Variants in SFI1 observed in about 807,000 individuals in gnomAD.
SFI1 encodes the protein SFI1 centrin binding protein, also known as protein SFI1 homolog.
SFI1 carries 195 observed loss-of-function variants against 207.5 expected under a neutral mutation model. That is an observed-to-expected ratio of 0.94 (90% confidence interval 0.84 to 1.06). The LOEUF is 1.06. SFI1 is among the 50% of genes least tolerant of loss of function. SFI1 has a pLI of 0.00. For missense variants in SFI1, 1,634 were observed against 1,588.0 expected (o/e 1.03, Z -0.49); for synonymous variants, 630 against 598.9 (o/e 1.05, Z -0.76).
At chr22:31,557,704 A>T (rs1189163213) in intron 7 of SFI1, among the ~76,000 whole-genome samples, 4 of 152,204 alleles carry the variant, frequency 2.6e-5, no homozygotes, top group Admixed American at 6.5e-5. Context: ...CCATTATTGT[A>T]CAGATTAAGA....
intron 17 of SFI1, 49 bp from the exon 18 acceptor site, chr22:31,603,695 C>A: frequency 2.1e-6 from 3 of 1,446,536 alleles, no homozygotes; most frequent in Admixed American, 2.9e-5. Context: ...ATAGAGGGTG[C>A]CCTCACTGGG....
At chr22:31,596,383 C>T (rs1232689574) in intron 15 of SFI1, among the ~76,000 whole-genome samples, 1 of 152,128 alleles carries the variant, frequency 6.6e-6, no homozygotes, top group Non-Finnish European at 1.5e-5. Context: ...TAGGTGGTGG[C>T]CACGGGAAAT....
intron 2 of SFI1, among the ~76,000 whole-genome samples, chr22:31,510,660 G>A (rs1286381368): frequency 6.6e-6 from 1 of 151,792 alleles, no homozygotes; most frequent in Non-Finnish European, 1.5e-5. Context: ...TCTTGAACTC[G>A]TGACCTCAAA....
rs2072140027 is a variant in SFI1, at chr22:31,618,187, C to G, written c.3585C>G (p.Asp1195Glu). The G allele has an allele frequency of 6.3e-7, 1 of 1,596,444 alleles. No homozygotes were observed. Among genetic ancestry groups the G allele is most frequent in the African/African-American group, 1.3e-5 (1 of 74,810 alleles). Residue 1195 changes from aspartate to glutamate, a missense_variant, in exon 32 of 33, where the codon GAC (aspartate) becomes GAG (glutamate). Coordinates refer to ENST00000400288, the MANE Select transcript of SFI1 (RefSeq NM_001007467.3). Reference sequence around the variant, plus strand: ...ACAGAGAGGAGCCGGGGCCTGAGGACCAGGAAGTAGAGCAGCAGGTGCAGA... The same window carrying G: ...ACAGAGAGGAGCCGGGGCCTGAGGAGCAGGAAGTAGAGCAGCAGGTGCAGA... ...ELNREEPGPE[D>E]QEVEQQVQKE...
intron 31 of SFI1, among the ~76,000 whole-genome samples, chr22:31,617,698 G>C (rs1280749224): frequency 6.6e-6 from 1 of 150,502 alleles, no homozygotes; most frequent in East Asian, 2.0e-4. Flanking sequence ...TCCAGCCTGG[G>C]CAACACAGCA....
intron 8 of SFI1, among the ~76,000 whole-genome samples, chr22:31,567,888 G>T (rs945513004): frequency 5.3e-5 from 8 of 152,090 alleles, no homozygotes; most frequent in African/African-American, 1.9e-4. Context: ...TATTTTGACT[G>T]TTCACCCTGG....
chr22:31,616,580 A>C, intron 29 of SFI1, 165 bp from the exon 30 acceptor site: 1 of 681,068 alleles, frequency 1.5e-6, no homozygotes, highest in Non-Finnish European at 2.4e-6. Flanking sequence ...GGGGCAGGCT[A>C]GACACTGAGC....
rs1404094416 is a variant in SFI1, at chr22:31,618,563, T to C, written c.*145T>C. On this transcript the variant is annotated 3_prime_UTR_variant, in exon 33 of 33. Transcript: ENST00000400288. Reference sequence around the variant, plus strand: ...ATTACTGTTCAGAAGTCTCCCACTTTTCATACAAAAATACTGTGCTACTGA... The same window carrying C: ...ATTACTGTTCAGAAGTCTCCCACTTCTCATACAAAAATACTGTGCTACTGA... 1 of 826,206 alleles carries C rather than the reference T, an allele frequency of 1.2e-6. No homozygotes were observed. The highest frequency in any genetic ancestry group is 1.7e-6 in the Non-Finnish European group (1 of 577,894). 51.2% of individuals were successfully genotyped at this position (826,206 alleles called of 1,614,324 possible). A position where few individuals can be genotyped will look rare whatever the true frequency, so the allele number is the denominator to read the frequency against.
chr22:31,573,199 AAG>A lies in SFI1; in HGVS notation c.911_912del (p.Arg304ThrfsTer4). On this transcript the variant is annotated frameshift_variant, in exon 9 of 33. Coordinates refer to ENST00000400288, the MANE Select transcript of SFI1 (RefSeq NM_001007467.3). LOFTEE classifies it high-confidence loss of function. ...WLEYLQVRRV[K>X]RQQNEMAERF... ...TGAATACCTGCAAGTCCGCAGAGTGAAGAGACAGCAGAATGGTGAGTAGGAAG... is the reference window on the plus strand; with the variant it reads ...TGAATACCTGCAAGTCCGCAGAGTGAAGACAGCAGAATGGTGAGTAGGAAG... The A allele has an allele frequency of 6.2e-7, 1 of 1,614,006 alleles. No individual in the cohort carries two copies. The highest frequency in any genetic ancestry group is 8.5e-7 in the Non-Finnish European group (1 of 1,179,986).
intron 22 of SFI1, among the ~76,000 whole-genome samples, 178 bp downstream of exon 22, chr22:31,608,211 C>T (rs1224133657): frequency 6.6e-6 from 1 of 152,192 alleles, no homozygotes; most frequent in Non-Finnish European, 1.5e-5. Context: ...CCTCTCAGTT[C>T]TGGAGGCTGG....
intron 2 of SFI1, among the ~76,000 whole-genome samples, chr22:31,526,150 A>C (rs1201826744): frequency 6.6e-6 from 1 of 152,202 alleles, no homozygotes; most frequent in Non-Finnish European, 1.5e-5. Flanking sequence ...TTATAGAAGC[A>C]AAGCACTGAA....
chr22:31,505,847 G>A (rs1160932829), intron 1 of SFI1, among the ~76,000 whole-genome samples: 5 of 152,072 alleles, frequency 3.3e-5, no homozygotes, highest in African/African-American at 1.2e-4. Context: ...TGGTGCCGCA[G>A]TACTTCAGCC....
At chr22:31,570,115 A>G (rs538787336) in intron 8 of SFI1, among the ~76,000 whole-genome samples, 198 of 120,840 alleles carry the variant, frequency 1.6e-3, no homozygotes, top group African/African-American at 5.9e-3. Context: ...ACAGAATGAG[A>G]CTCTGTCAAT....
intron 6 of SFI1, among the ~76,000 whole-genome samples, chr22:31,555,054 T>G (rs1192799742): frequency 6.6e-6 from 1 of 152,200 alleles, no homozygotes; most frequent in African/African-American, 2.4e-5. Context: ...TCCTTTATTT[T>G]TGTTAAGGTT....
intron 31 of SFI1, among the ~76,000 whole-genome samples, 161 bp downstream of exon 31, chr22:31,617,239 C>T (rs1477118889): frequency 2.0e-5 from 3 of 152,036 alleles, no homozygotes; most frequent in Admixed American, 6.6e-5. Context: ...GTGTGCTGTC[C>T]AGAAAGACCC....
At chr22:31,541,838 C>A (rs1287954082) in intron 4 of SFI1, among the ~76,000 whole-genome samples, 2 of 146,862 alleles carry the variant, frequency 1.4e-5, no homozygotes, top group African/African-American at 2.5e-5. Context: ...CATAGTGGCT[C>A]ACGCCTGTAA....
At chr22:31,513,161 CT>C (rs917063901) in intron 2 of SFI1, among the ~76,000 whole-genome samples, 16 of 149,000 alleles carry the variant, frequency 1.1e-4, no homozygotes, top group African/African-American at 2.5e-4. Flanking sequence ...AAGTATTTGA[CT>C]TTTTTTTTTC....
At chr22:31,574,473 G>A (rs140136837) in intron 9 of SFI1, among the ~76,000 whole-genome samples, 1,782 of 152,318 alleles carry the variant, frequency 0.012, 10 homozygotes, top group Middle Eastern at 0.031. Flanking sequence ...CCAGGATCAG[G>A]TTGGCTGAAA....
intron 1 of SFI1, among the ~76,000 whole-genome samples, chr22:31,500,793 GTTTTTGTT>G (rs1569147782): frequency 1.3e-4 from 6 of 44,686 alleles, no homozygotes; most frequent in South Asian, 5.7e-4. Context: ...TGTTTGTTTT[GTTTTTGTT>G]TTTTGTTTTT....
Sources: allele counts gnomAD v4.1 joint callset (sites outside exome capture counted in the v4.1 genomes callset), GRCh38; gene constraint gnomAD v4.1.1; transcripts MANE v1.5; gene names NCBI Gene and HGNC (gene_info 2026-07-23, HGNC 2026-07-21).